Variants in VPS52 observed in about 807,000 individuals in gnomAD.
VPS52 encodes vacuolar protein sorting-associated protein 52 homolog.
VPS52 carries 56 observed loss-of-function variants against 98.7 expected under a neutral mutation model. That is an observed-to-expected ratio of 0.57 (90% CI 0.46 to 0.71). The LOEUF (loss-of-function observed/expected upper bound fraction) is 0.71, where lower values mean the gene tolerates loss of function less well. Among genes scored for constraint, VPS52 ranks in the 30% least tolerant of loss-of-function variants. The probability of loss-of-function intolerance (pLI) is 0.00; values close to 1 mark genes in which losing one functional copy is unlikely to be tolerated. For missense variants in VPS52, 742 were observed against 925.9 expected, an observed-to-expected ratio of 0.80 and a Z score of 2.58; for synonymous variants, 348 against 346.4, an observed-to-expected ratio of 1.00 and a Z score of -0.05.
chr6:33,271,739 C>G lies in VPS52; in HGVS notation c.-64G>C. ...GAGTCCGTTCCCCGGAGTGGAGCTA[C>G]AAGTCCCAAAGGGTCTTCCTCAGCG... On this transcript the variant is annotated 5_prime_UTR_variant, in exon 1 of 20. Coordinates refer to ENST00000445902, the MANE Select transcript of VPS52 (RefSeq NM_022553.6). The G allele has an allele frequency of 6.5e-7, 1 of 1,541,408 alleles. No individual in the cohort carries two copies. Among genetic ancestry groups the G allele is most frequent in the Non-Finnish European group, 8.8e-7 (1 of 1,142,024 alleles).
intron 17 of VPS52, chr6:33,254,839 ATTT>A (rs965022733): frequency 7.1e-6 from 1 of 140,724 alleles, no homozygotes; most frequent in African/African-American, 2.7e-5. Context: ...TGTCCCACTC[ATTT>A]TTTTTTTATT....
chr6:33,254,218 G>A (rs1488914802), intron 17 of VPS52, among the ~76,000 whole-genome samples: 2 of 152,094 alleles, frequency 1.3e-5, no homozygotes, highest in African/African-American at 4.8e-5. Flanking sequence ...AGGTTGTAGT[G>A]AGCCAAGATC....
At chr6:33,261,107 A>C (rs1443777564) in intron 17 of VPS52, among the ~76,000 whole-genome samples, 2 of 152,168 alleles carry the variant, frequency 1.3e-5, no homozygotes, top group African/African-American at 4.8e-5. Flanking sequence ...AAATTAAAAA[A>C]TTAGCTGGCA....
intron 17 of VPS52, among the ~76,000 whole-genome samples, chr6:33,258,142 T>G (rs1267751755): frequency 1.3e-5 from 2 of 150,860 alleles, no homozygotes; most frequent in African/African-American, 4.9e-5. Context: ...AATCCCAGCA[T>G]TTTGGGAGGC....
chr6:33,251,802 A>G, intron 18 of VPS52, 58 bp downstream of exon 18: 1 of 1,567,170 alleles, frequency 6.4e-7, no homozygotes, highest in Admixed American at 1.7e-5. Context: ...GCATCCTTTC[A>G]TTTTTCTTTT....
Position 33,263,766 on chromosome 6 carries a change from T to G in VPS52, c.1728+6A>C, listed in dbSNP as rs768003075. 1.2e-6 allele frequency: 2 copies of G among 1,614,068 alleles called. No homozygotes were observed. The highest frequency in any genetic ancestry group is 2.2e-5 in the South Asian group (2 of 91,092). On this transcript the variant is annotated splice_donor_region_variant and intron_variant, in intron 16 of 19. Coordinates refer to ENST00000445902, the MANE Select transcript of VPS52 (RefSeq NM_022553.6). Reference sequence around the variant, plus strand: ...TAGGAAGGCAAGGAGAAGGAGCACCTATTACCATCAGCACACCCAGCATCA... The same window carrying G: ...TAGGAAGGCAAGGAGAAGGAGCACCGATTACCATCAGCACACCCAGCATCA...
chr6:33,257,734 G>C (rs72881297), intron 17 of VPS52, among the ~76,000 whole-genome samples: 1 of 152,198 alleles, frequency 6.6e-6, no homozygotes. Context: ...ATAGTCAGGC[G>C]TGGTAGATGG....
In VPS52 at chr6:33,267,059, A is replaced by G; in HGVS notation, c.1125+129T>C. On this transcript the variant is annotated intron_variant, in intron 11 of 19. Coordinates refer to ENST00000445902, the MANE Select transcript of VPS52 (RefSeq NM_022553.6). This position sits in a 1 kb window ranked among gnomAD's most constrained non-coding sequence, Gnocchi z 4.2. ...CACAGCAGGCTGGAGTGATTGGAGA[A>G]GGCCACTCCCAAGTCTAAGGGGATT... is the stretch of plus-strand genomic sequence containing the variant. 7.7e-7 allele frequency: 1 copy of G among 1,303,276 alleles called. No individual in the cohort carries two copies. Among genetic ancestry groups the G allele is most frequent in the Non-Finnish European group, 1.0e-6 (1 of 982,646 alleles). The allele number at this position is 1,303,276 out of a possible 1,614,324, so 80.7% of individuals were successfully genotyped here.
intron 17 of VPS52, among the ~76,000 whole-genome samples, chr6:33,262,319 G>T (rs1355607224): frequency 6.6e-6 from 1 of 152,146 alleles, no homozygotes; most frequent in Non-Finnish European, 1.5e-5. Context: ...ACTACAATGA[G>T]ATCTCATCTC....
Position 33,253,444 on chromosome 6 carries a change from C to G in VPS52, c.1795-1473G>C, listed in dbSNP as rs113520399. On this transcript the variant is annotated intron_variant, in intron 17 of 19. Coordinates refer to ENST00000445902, the MANE Select transcript of VPS52 (RefSeq NM_022553.6). ...GGCAGATGTTGGAGTGTGCCAAGAT[C>G]GGGCCATTGCACTCCAGCCTGGAGG... 2.0e-5 allele frequency among the ~76,000 whole-genome samples: 3 copies of G among 146,464 alleles called. No individual in the cohort carries two copies. In the Admixed American group the frequency reaches 2.1e-4, roughly 10 times the overall value.
rs1187422223 is a variant in VPS52, at chr6:33,267,678, A to G, written c.991+4T>C. 7 of 1,612,870 alleles carry G rather than the reference A, an allele frequency of 4.3e-6. No individual in the cohort carries two copies. The highest frequency in any genetic ancestry group is 5.9e-6 in the Non-Finnish European group (7 of 1,180,026). On this transcript the variant is annotated splice_donor_region_variant and intron_variant, in intron 10 of 19. Transcript: ENST00000445902. The surrounding 1 kb of genome is among the most constrained non-coding windows in gnomAD (Gnocchi z 4.2). ...GGCATGAGGGTTCCCCAGTACTAGG[A>G]TATCTTTCTTTGCTGTATCTTCCAC...
At chr6:33,251,760 C>A in intron 18 of VPS52, 100 bp downstream of exon 18, 1 of 1,432,850 alleles carries the variant, frequency 7.0e-7, no homozygotes, top group South Asian at 1.2e-5. Flanking sequence ...TCAATCCAGT[C>A]TTTCATACTC....
rs951282030 is a variant in VPS52, at chr6:33,269,826, G to A, written c.229-7C>T. The A allele has an allele frequency of 1.9e-6, 3 of 1,613,186 alleles. No homozygotes were observed. Among genetic ancestry groups the A allele is most frequent in the South Asian group, 1.1e-5 (1 of 91,068 alleles). ...AGTGACGGAGATCTACACCCTGGGA[G>A]AACATAAAGATGACAGGTCAGAAGG... On this transcript the variant is annotated splice_polypyrimidine_tract_variant and splice_region_variant and intron_variant, in intron 3 of 19. Transcript: ENST00000445902.
chr6:33,267,631 A>C lies in VPS52; in HGVS notation c.991+51T>G. The C allele has an allele frequency of 6.2e-7, 1 of 1,605,590 alleles. No homozygotes were observed. The highest frequency in any genetic ancestry group is 8.5e-7 in the Non-Finnish European group (1 of 1,174,440). On this transcript the variant is annotated intron_variant, in intron 10 of 19. Transcript: ENST00000445902. The surrounding 1 kb of genome is among the most constrained non-coding windows in gnomAD (Gnocchi z 4.2). ...CAGTGCATTGGTGGCTGGAGTCGAA[A>C]GTCCTCCCACTCTCAAGGCCTGGCA...
At chr6:33,263,584 G>C (rs769975556) in intron 16 of VPS52, 35 bp from the exon 17 acceptor site, 5 of 1,613,748 alleles carry the variant, frequency 3.1e-6, no homozygotes, top group Non-Finnish European at 4.2e-6. Context: ...CTAGTTTGGG[G>C]AAAGCAGTCC....
chr6:33,271,241 G>C, intron 1 of VPS52: 1 of 605,394 alleles, frequency 1.7e-6, no homozygotes, highest in Non-Finnish European at 2.9e-6. Flanking sequence ...TGATGGCACA[G>C]AGAAGCTGGT....
rs1047468725 is a variant in VPS52, at chr6:33,267,526, G to C, written c.991+156C>G. 1 of 1,188,110 alleles carries C rather than the reference G, an allele frequency of 8.4e-7. No individual in the cohort carries two copies. The highest frequency in any genetic ancestry group is 1.5e-5 in the African/African-American group (1 of 65,176). The allele number at this position is 1,188,110 out of a possible 1,614,324, so 73.6% of individuals were successfully genotyped here. A position where few individuals can be genotyped will look rare whatever the true frequency, so the allele number is the denominator to read the frequency against. ...ATGCAAAACTATGTGTCAAAATAAT[G>C]TGTGCATCTTTCTGGGGAGGGAGGC... is the stretch of plus-strand genomic sequence containing the variant. On this transcript the variant is annotated intron_variant, in intron 10 of 19. Transcript: ENST00000445902. The surrounding 1 kb of genome is among the most constrained non-coding windows in gnomAD (Gnocchi z 4.2).
In VPS52 at chr6:33,269,037, C is replaced by CA; in HGVS notation, c.524dup (p.Val176GlyfsTer40). The CA allele has an allele frequency of 6.2e-7, 1 of 1,612,546 alleles. No homozygotes were observed. The highest frequency in any genetic ancestry group is 8.5e-7 in the Non-Finnish European group (1 of 1,179,896). On this transcript the variant is annotated frameshift_variant, in exon 6 of 20. Transcript: ENST00000445902. LOFTEE classifies it high-confidence loss of function. ...ACGTGACCAGAGCAGAAGGCACCAC[C>CA]AGACCATCAACAAGCTCCCCAAGTT...
Position 33,271,595 on chromosome 6 carries a change from C to G in VPS52, c.81G>C (p.Glu27Asp). 1 of 1,608,210 alleles carries G rather than the reference C, an allele frequency of 6.2e-7. No individual in the cohort carries two copies. Among genetic ancestry groups the G allele is most frequent in the Non-Finnish European group, 8.5e-7 (1 of 1,177,622 alleles). ...AGCTCCGCGCTCTCACCAGCGGGCC[C>G]TCTTCCTCCTCCATATCTGAGGTCC... ...RAGTSDMEEE[E>D]GPLAGGPGLQ... Residue 27 changes from glutamate to aspartate, a missense_variant, in exon 1 of 20, where the codon GAG becomes GAC. Glu to Asp is a conservative substitution (Grantham distance 45). Coordinates refer to ENST00000445902, the MANE Select transcript of VPS52 (RefSeq NM_022553.6).
Sources: gnomAD v4.1 joint callset for allele counts (sites outside exome capture counted in the v4.1 genomes callset) on GRCh38, gnomAD v4.1.1 for gene constraint, Gnocchi (gnomAD v3.1) non-coding constraint, MANE v1.5 for transcripts, NCBI Gene and HGNC (gene_info 2026-07-23, HGNC 2026-07-21) for gene names.